Variants in MAST3 observed in about 807,000 individuals in gnomAD.
MAST3 encodes the protein microtubule associated serine/threonine kinase 3.
A neutral mutation model predicts 127.0 loss-of-function variants in MAST3; 43 were observed. That is an observed-to-expected ratio of 0.34 (90% CI 0.27 to 0.44). MAST3 has a LOEUF of 0.44. MAST3 is among the 20% of genes least tolerant of loss of function. MAST3 has a pLI of 1.00. For missense variants in MAST3, 1,390 were observed against 1,919.1 expected, an observed-to-expected ratio of 0.72 and a Z score of 5.15; for synonymous variants, 785 against 809.2, an observed-to-expected ratio of 0.97 and a Z score of 0.51.
intron 3 of MAST3, among the ~76,000 whole-genome samples, chr19:18,113,161 C>G (rs1305521155): frequency 2.0e-5 from 3 of 152,126 alleles, no homozygotes; most frequent in African/African-American, 7.2e-5. Flanking sequence ...TCACTCACCA[C>G]CGGGGGGCAG....
intron 12 of MAST3, 140 bp from the exon 13 acceptor site, chr19:18,128,726 A>G (rs1162864424): frequency 4.2e-6 from 3 of 709,882 alleles, no homozygotes; most frequent in African/African-American, 1.8e-5. Flanking sequence ...AAGTACAGAA[A>G]GTCAGAAGCT....
intron 17 of MAST3, among the ~76,000 whole-genome samples, chr19:18,135,244 C>T (rs577765531): frequency 2.2e-4 from 34 of 152,180 alleles, no homozygotes; most frequent in African/African-American, 7.7e-4. Context: ...GCGGGAGGAT[C>T]ATATAAGGTC....
At chr19:18,143,655 A>T in intron 21 of MAST3, 108 bp from the exon 22 acceptor site, 1 of 1,426,268 alleles carries the variant, frequency 7.0e-7, no homozygotes, top group South Asian at 1.3e-5. Flanking sequence ...TGTCTATGCA[A>T]ATTACCCTTG....
chr19:18,145,355 C>A lies in MAST3; in HGVS notation c.3039+126C>A. On this transcript the variant is annotated intron_variant, in intron 24 of 27. Transcript: ENST00000687212. The surrounding 1 kb of genome is among the most constrained non-coding windows in gnomAD (Gnocchi z 5.9). Reference sequence around the variant, plus strand: ...TAGATAGAGCTGGTGCCACCGAGTTCATCTCGGTCCCTGTCATTTGGCAGG... The same window carrying A: ...TAGATAGAGCTGGTGCCACCGAGTTAATCTCGGTCCCTGTCATTTGGCAGG... 1 of 845,812 alleles carries A rather than the reference C, an allele frequency of 1.2e-6. No homozygotes were observed. Among genetic ancestry groups the A allele is most frequent in the Non-Finnish European group, 1.9e-6 (1 of 520,266 alleles). The allele number at this position is 845,812 out of a possible 1,614,324, so 52.4% of individuals were successfully genotyped here.
chr19:18,118,232 G>T (rs185644920), intron 3 of MAST3: 2 of 985,320 alleles, frequency 2.0e-6, no homozygotes, highest in African/African-American at 3.5e-5. Flanking sequence ...GGCAAAAGGC[G>T]CGCTGCTGCA....
rs1489802586 is a variant in MAST3 at position 18,143,772 on chromosome 19, C to G, written c.2349C>G (p.Ser783=). The G allele has an allele frequency of 6.2e-7, 1 of 1,613,486 alleles. No individual in the cohort carries two copies. Among genetic ancestry groups the G allele is most frequent in the Non-Finnish European group, 8.5e-7 (1 of 1,179,834 alleles). ...CTCTTCCTCCCTGCAGGCTGAGGTC[C>G]TGGACATCCTCTGGATCCTCCTGTC... The part of the protein sequence containing the change: ...RRLSADIRLR[S]WTSSGSSCQS... Residue 783 remains serine (S), a synonymous_variant, in exon 22 of 28, where the codon TCC becomes TCG. Coordinates refer to ENST00000687212, the MANE Select transcript of MAST3 (RefSeq NM_001393504.1).
chr19:18,131,328 G>A (rs1321989590), intron 14 of MAST3, among the ~76,000 whole-genome samples: 2 of 151,908 alleles, frequency 1.3e-5, no homozygotes, highest in Non-Finnish European at 2.9e-5. Context: ...GCAGTGAGCC[G>A]AGACTGCGCC....
chr19:18,116,056 C>T (rs2147043898), intron 3 of MAST3, among the ~76,000 whole-genome samples: 1 of 148,892 alleles, frequency 6.7e-6, no homozygotes, highest in South Asian at 2.1e-4. Flanking sequence ...TCTCTCCTTT[C>T]TCTTCCCTTC....
At chr19:18,126,999 C>G (rs1019650573) in intron 11 of MAST3, among the ~76,000 whole-genome samples, 50 of 150,852 alleles carry the variant, frequency 3.3e-4, no homozygotes, top group African/African-American at 1.1e-3. Flanking sequence ...CCAGGATGGT[C>G]TCGATCTCCT....
chr19:18,145,873 A>AC lies in MAST3; in HGVS notation c.3162+13dup. ...GTGGAGCTGCTGCTGAAGGTGCGGCACCCCCACTGCCCACCCTCAGGGCTC... is the reference window on the plus strand; with the variant it reads ...GTGGAGCTGCTGCTGAAGGTGCGGCACCCCCCACTGCCCACCCTCAGGGCTC... On this transcript the variant is annotated intron_variant, in intron 25 of 27. Coordinates refer to ENST00000687212, the MANE Select transcript of MAST3 (RefSeq NM_001393504.1). This position sits in a 1 kb window ranked among gnomAD's most constrained non-coding sequence, Gnocchi z 5.9. The AC allele has an allele frequency of 6.3e-7, 1 of 1,583,174 alleles. No individual in the cohort carries two copies. The highest frequency in any genetic ancestry group is 2.4e-5 in the East Asian group (1 of 42,054).
rs771023367 is a variant in MAST3 at position 18,143,828 on chromosome 19, C to G, written c.2405C>G (p.Pro802Arg). Residue 802 changes from proline to arginine, a missense_variant, in exon 22 of 28, where the codon CCC becomes CGC. Coordinates refer to ENST00000687212, the MANE Select transcript of MAST3 (RefSeq NM_001393504.1). ...QSSSSQPERG[P>R]SPSLLNTISL... ...TCTTCGTCCCAGCCCGAGCGGGGTC[C>G]CAGCCCATCTCTCCTGAATACCATC... The G allele has an allele frequency of 1.2e-6, 2 of 1,613,916 alleles. No homozygotes were observed. Among genetic ancestry groups the G allele is most frequent in the East Asian group, 2.2e-5 (1 of 44,880 alleles).
At chr19:18,134,376 T>A (rs759486317) in intron 15 of MAST3, among the ~76,000 whole-genome samples, 2 of 152,188 alleles carry the variant, frequency 1.3e-5, no homozygotes, top group African/African-American at 2.4e-5. Flanking sequence ...CAAGACCTTA[T>A]GTCTACAAAA....
chr19:18,108,361 T>TG (rs2038232592), intron 2 of MAST3, among the ~76,000 whole-genome samples: 1 of 151,872 alleles, frequency 6.6e-6, no homozygotes, highest in Non-Finnish European at 1.5e-5. Flanking sequence ...GTTTTTTTTT[T>TG]TTTGTTTTGC....
In MAST3 at chr19:18,123,186, C is replaced by T. The variant is rs1458130620; in HGVS notation, c.400-31C>T. The T allele has an allele frequency of 6.2e-6, 10 of 1,611,950 alleles. No individual in the cohort carries two copies. The Admixed American group carries it at 1.0e-4, about 16-fold the overall frequency. ...CTGGCCACAGCACTGACGGTGAACT[C>T]ATGGCTCTGATCCCCACCACTCTCT... On this transcript the variant is annotated intron_variant, in intron 6 of 27. Coordinates refer to ENST00000687212, the MANE Select transcript of MAST3 (RefSeq NM_001393504.1).
chr19:18,141,722 CT>C (rs902339562), intron 20 of MAST3, among the ~76,000 whole-genome samples, 159 bp from the exon 21 acceptor site: 5 of 150,910 alleles, frequency 3.3e-5, no homozygotes, highest in East Asian at 3.9e-4. Flanking sequence ...GTTTGGGTTT[CT>C]TTTTTTTTCT....
At chr19:18,107,512 T>TG in intron 1 of MAST3, 75 bp from the exon 2 acceptor site, 1 of 1,400,584 alleles carries the variant, frequency 7.1e-7, no homozygotes, top group South Asian at 1.2e-5. Context: ...TTGGGGATTG[T>TG]GGGGGTGCAT....
At chr19:18,105,854 G>A (rs562877596) in intron 1 of MAST3, among the ~76,000 whole-genome samples, 23 of 152,122 alleles carry the variant, frequency 1.5e-4, no homozygotes, top group Non-Finnish European at 1.9e-4. Flanking sequence ...GGAGTCACCC[G>A]TCAGCCGTCC....
intron 3 of MAST3, among the ~76,000 whole-genome samples, chr19:18,118,815 G>A (rs543615852): frequency 1.3e-5 from 2 of 152,278 alleles, no homozygotes; most frequent in South Asian, 2.1e-4. Flanking sequence ...CCACTACCAG[G>A]CTGTGTGACC....
intron 27 of MAST3, 21 bp downstream of exon 27, chr19:18,147,645 C>T (rs749402237): frequency 2.0e-5 from 30 of 1,500,298 alleles, no homozygotes; most frequent in Admixed American, 1.5e-4. Context: ...CCCGACCCCC[C>T]ACCACCCCGG....
Sources: gnomAD v4.1 joint callset for allele counts (sites outside exome capture counted in the v4.1 genomes callset) on GRCh38, gnomAD v4.1.1 for gene constraint, Gnocchi (gnomAD v3.1) non-coding constraint, MANE v1.5 for transcripts, NCBI Gene and HGNC (gene_info 2026-07-23, HGNC 2026-07-21) for gene names.